CEP295: variants seen among roughly 807,000 people sequenced by gnomAD.
CEP295 encodes centrosomal protein of 295 kDa.
Under a neutral mutation model 291.6 loss-of-function variants are expected in CEP295, and 190 were observed. The observed-to-expected ratio is 0.65, with a 90% confidence interval of 0.58 to 0.73. The LOEUF (loss-of-function observed/expected upper bound fraction) is 0.73, where lower values mean the gene tolerates loss of function less well. CEP295 is among the 30% of genes least tolerant of loss of function. The pLI, the probability that CEP295 is intolerant of heterozygous loss-of-function variation, is 0.00. For missense variants in CEP295, 2,863 were observed against 2,949.4 expected (o/e 0.97, Z 0.68); for synonymous variants, 993 against 1,038.8 (o/e 0.96, Z 0.85).
chr11:93,683,480 T>G, intron 7 of CEP295, 79 bp from the exon 8 acceptor site: 6 of 1,055,620 alleles, frequency 5.7e-6, no homozygotes, highest in Non-Finnish European at 8.0e-6. Flanking sequence ...TGATCCTCAT[T>G]TCCCCTACCT....
At position 93,697,693 on chromosome 11, in the gene CEP295, T is replaced by C. The variant is rs768886683; in HGVS notation, c.2781T>C (p.His927=). 1.3e-6 allele frequency: 2 copies of C among 1,551,770 alleles called. No individual in the cohort carries two copies. The highest frequency in any genetic ancestry group is 2.4e-5 in the East Asian group (1 of 40,922). The change falls in exon 15 of 30, where the codon CAT becomes CAC. Residue 927 remains histidine, a synonymous_variant. Transcript: ENST00000325212. ...ATATTGCAGTTTCCTCAGACCATCA[T>C]GTGATCTCACAACTTCAGGATAAGC... ...KNNIAVSSDH[H]VISQLQDKRL...
rs868479634 is a variant in CEP295 at position 93,727,581 on chromosome 11, T to A, written c.7105T>A (p.Ser2369Thr). ...CAAAAAACTATCTCAACTAGGAGAATCAGAGCTTTTTGCAAGTTCTGGATC... is the reference window on the plus strand; with the variant it reads ...CAAAAAACTATCTCAACTAGGAGAAACAGAGCTTTTTGCAAGTTCTGGATC... ...ITKKLSQLGE[S>T]ELFASSGSFS... The change falls in exon 24 of 30, where the codon TCA becomes ACA. Residue 2369 changes from serine (S) to threonine (T), a missense_variant. This residue lies in a region of CEP295 where 2,295 missense variants were observed against 2,335.7 expected (regional missense o/e 0.98). Transcript: ENST00000325212. The A allele has an allele frequency of 1.9e-6, 3 of 1,550,874 alleles. No individual in the cohort carries two copies. The African/African-American group carries it at 4.1e-5, about 21-fold the overall frequency.
intron 15 of CEP295, among the ~76,000 whole-genome samples, chr11:93,700,731 A>C (rs117115844): frequency 0.017 from 2,642 of 152,228 alleles, 44 homozygotes; most frequent in Non-Finnish European, 0.026. Flanking sequence ...CCACAAAACA[A>C]TGTAGATTCT....
intron 18 of CEP295, among the ~76,000 whole-genome samples, chr11:93,710,919 A>T (rs1442942127): frequency 6.6e-6 from 1 of 152,170 alleles, no homozygotes; most frequent in Non-Finnish European, 1.5e-5. Flanking sequence ...AGTAGTCTCT[A>T]ACGATCCTTT....
chr11:93,702,463 A>G lies in CEP295; in HGVS notation c.5278A>G (p.Ser1760Gly). ...ACCCTCATCTCCACTTTTTCAGATA[A>G]GTAAGCCCACAGTTGAAAATGATTT... ...LKDFFKDSQI[S>G]KPTVENDLKT... The change falls in exon 16 of 30, where the codon AGT becomes GGT. Residue 1760 changes from serine (S) to glycine (G), a missense_variant. Physicochemically the swap from Ser to Gly is moderately conservative, Grantham distance 56. This residue lies in a region of CEP295 where 2,295 missense variants were observed against 2,335.7 expected (regional missense o/e 0.98). Coordinates refer to ENST00000325212, the MANE Select transcript of CEP295 (RefSeq NM_033395.2). The G allele has an allele frequency of 2.6e-6, 4 of 1,524,158 alleles. No individual in the cohort carries two copies. Among genetic ancestry groups the G allele is most frequent in the Non-Finnish European group, 3.5e-6 (4 of 1,136,740 alleles). The allele number at this position is 1,524,158 out of a possible 1,614,324, so 94.4% of individuals were successfully genotyped here.
intron 24 of CEP295, 132 bp downstream of exon 24, chr11:93,727,769 C>A: frequency 1.4e-6 from 1 of 713,614 alleles, no homozygotes; most frequent in South Asian, 2.1e-5. Flanking sequence ...ATCAAGGGAT[C>A]CTCCTGCCTC....
Position 93,665,434 on chromosome 11 carries a change from G to A in CEP295, c.-26-1248G>A, listed in dbSNP as rs373847006. 1.6e-3 allele frequency among the ~76,000 whole-genome samples: 248 copies of A among 152,314 alleles called. 2 individuals are homozygous for A. Among genetic ancestry groups the A allele is most frequent in the African/African-American group, 5.7e-3 (239 of 41,568 alleles). ...ACAGAAGAATAGATCTGGGCCGGGC[G>A]TGGTGGCTCACACCTTTAATCCCAG... On this transcript the variant is annotated intron_variant, in intron 1 of 29. Coordinates refer to ENST00000325212, the MANE Select transcript of CEP295 (RefSeq NM_033395.2).
Position 93,698,822 on chromosome 11 carries a change from G to A in CEP295, c.3910G>A (p.Ala1304Thr). 6.4e-7 allele frequency: 1 copy of A among 1,551,700 alleles called. No homozygotes were observed. The highest frequency in any genetic ancestry group is 1.2e-5 in the South Asian group (1 of 84,062). Residue 1304 changes from alanine to threonine, a missense_variant, in exon 15 of 30, where the codon GCT becomes ACT. By Grantham distance (58) the Ala-to-Thr change is moderately conservative. This residue lies in a region of CEP295 where 2,295 missense variants were observed against 2,335.7 expected (regional missense o/e 0.98). Transcript: ENST00000325212. ...QLVQLSFTSL[A>T]SAESGTILEP... ...GGTACAGCTTTCATTTACTTCGTTAGCTTCAGCTGAGTCTGGCACAATCCT... is the reference window on the plus strand; with the variant it reads ...GGTACAGCTTTCATTTACTTCGTTAACTTCAGCTGAGTCTGGCACAATCCT...
In CEP295 at chr11:93,710,893, G is replaced by A. The variant is rs187096688; in HGVS notation, c.5749+3996G>A. 5.4e-4 allele frequency among the ~76,000 whole-genome samples: 82 copies of A among 152,108 alleles called. 1 individual carries two copies. The East Asian group carries it at 0.015, about 28-fold the overall frequency. On this transcript the variant is annotated intron_variant, in intron 18 of 29. Coordinates refer to ENST00000325212, the MANE Select transcript of CEP295 (RefSeq NM_033395.2). ...CATTTCTTCTAGTTTTCCAATTTTG[G>A]CCTATAGTTGCTAATAGTAGTCTCT...
At chr11:93,668,000 TC>T (rs5793650) in intron 3 of CEP295, among the ~76,000 whole-genome samples, 193 bp downstream of exon 3, 137,317 of 152,142 alleles carry the variant, frequency 0.9, 63,114 homozygotes, top group Non-Finnish European at 0.99. Flanking sequence ...TCAAGTAAAA[TC>T]CATGTCAAAT....
rs1385533570 is a variant in CEP295, at chr11:93,719,260, T to TTC, written c.5750-2052_5750-2051insTC. On this transcript the variant is annotated intron_variant, in intron 18 of 29. Transcript: ENST00000325212. Reference sequence around the variant, plus strand: ...TTTTTTTCCGGGTTTTTTTTTTTTTTCCTGTTTTTTTTTGTTTTGTTTCAA... The same window carrying TTC: ...TTTTTTTCCGGGTTTTTTTTTTTTTTTCCCTGTTTTTTTTTGTTTTGTTTCAA... 4.8e-3 allele frequency among the ~76,000 whole-genome samples: 651 copies of TTC among 134,756 alleles called. 5 individuals are homozygous for TTC. Among genetic ancestry groups the TTC allele is most frequent in the African/African-American group, 0.016 (599 of 37,720 alleles). 88.4% of individuals were successfully genotyped at this position (134,756 alleles called of 152,430 possible). A position where few individuals can be genotyped will look rare whatever the true frequency, so the allele number is the denominator to read the frequency against.
intron 7 of CEP295, 21 bp from the exon 8 acceptor site, chr11:93,683,538 T>G: frequency 6.8e-7 from 1 of 1,480,596 alleles, no homozygotes; most frequent in Non-Finnish European, 8.9e-7. Flanking sequence ...CAGTTTTTGT[T>G]AATTCTCTTT....
intron 5 of CEP295, among the ~76,000 whole-genome samples, chr11:93,674,263 C>T (rs1950583016): frequency 6.6e-6 from 1 of 152,120 alleles, no homozygotes. Context: ...GCGCCCAGCC[C>T]CTTCTTGTCC....
At chr11:93,695,228 T>C (rs941993885) in intron 12 of CEP295, among the ~76,000 whole-genome samples, 3 of 152,274 alleles carry the variant, frequency 2.0e-5, no homozygotes, top group African/African-American at 7.2e-5. Context: ...CACTGTGCTC[T>C]CAGAAAGTAG....
At chr11:93,669,524 CAT>C (rs113035165) in intron 4 of CEP295, among the ~76,000 whole-genome samples, 151 bp from the exon 5 acceptor site, 1 of 151,340 alleles carries the variant, frequency 6.6e-6, no homozygotes, top group Non-Finnish European at 1.5e-5. Flanking sequence ...ATTTTCTTAA[CAT>C]ATGTATAGAC....
chr11:93,695,805 G>A, intron 13 of CEP295, 171 bp downstream of exon 13: 2 of 622,538 alleles, frequency 3.2e-6, no homozygotes, highest in Non-Finnish European at 4.9e-6. Context: ...CAGGTCAGGA[G>A]TTCGAGACCA....
At chr11:93,721,289 G>C in intron 18 of CEP295, 23 bp from the exon 19 acceptor site, 1 of 1,429,910 alleles carries the variant, frequency 7.0e-7, no homozygotes, top group Non-Finnish European at 9.7e-7. Context: ...CTCCCATCTT[G>C]AACTCCAAAA....
intron 18 of CEP295, among the ~76,000 whole-genome samples, chr11:93,707,710 C>T (rs1952605600): frequency 6.6e-6 from 1 of 151,912 alleles, no homozygotes; most frequent in African/African-American, 2.4e-5. Flanking sequence ...GATCAAGCCA[C>T]TGCACTCCAG....
At position 93,685,650 on chromosome 11, in the gene CEP295, C is replaced by A. The variant is rs1271045696; in HGVS notation, c.1114+1522C>A. 2.6e-5 allele frequency among the ~76,000 whole-genome samples: 4 copies of A among 152,216 alleles called. No individual in the cohort carries two copies. The East Asian group carries it at 7.7e-4, about 29-fold the overall frequency. On this transcript the variant is annotated intron_variant, in intron 9 of 29. Transcript: ENST00000325212. Reference sequence around the variant, plus strand: ...CCCTCCAAGCTTTCCACTTAAATTTCATTTCTGTCCTCTGCAGAACCTTTT... The same window carrying A: ...CCCTCCAAGCTTTCCACTTAAATTTAATTTCTGTCCTCTGCAGAACCTTTT...
Sources: allele counts gnomAD v4.1 joint callset (sites outside exome capture counted in the v4.1 genomes callset), GRCh38; gene constraint gnomAD v4.1.1; regional missense constraint gnomAD v4.1.1; transcripts MANE v1.5; gene names NCBI Gene and HGNC (gene_info 2026-07-23, HGNC 2026-07-21).